The following BTBD8 variants were observed in gnomAD, a reference collection of about 807,000 sequenced individuals.
BTBD8 encodes BTB/POZ domain-containing protein 8.
In BTBD8, 110 loss-of-function variants were observed where a neutral mutation model predicts 162.9. That is an observed-to-expected ratio of 0.68 (90% CI 0.58 to 0.79). The LOEUF (loss-of-function observed/expected upper bound fraction) is 0.79, where lower values mean the gene tolerates loss of function less well. BTBD8 is among the 30% of genes least tolerant of loss of function. BTBD8 has a pLI of 0.00. For synonymous variants in BTBD8, 667 were observed against 716.1 expected (o/e 0.93, Z 1.10); for missense variants, 1,905 against 2,085.4 (o/e 0.91, Z 1.68).
intron 1 of BTBD8, among the ~76,000 whole-genome samples, chr1:92,086,509 T>G (rs1648164771): frequency 6.6e-6 from 1 of 152,034 alleles, no homozygotes; most frequent in Admixed American, 6.6e-5. Flanking sequence ...TGCATGCCTG[T>G]GGTCCCAGCT....
Position 92,181,049 on chromosome 1 carries a change from A to T in BTBD8, c.3366A>T (p.Ser1122=). The change falls in exon 17 of 18, where the codon TCA becomes TCT. Residue 1122 remains serine (S), a synonymous_variant. Coordinates refer to ENST00000636805, the MANE Select transcript of BTBD8 (RefSeq NM_001376131.1). ...GTGCAGGGCAAATCCATTTGATATCAGATAGGGAGAACCAAGTAGGGAGAA... is the reference window on the plus strand; with the variant it reads ...GTGCAGGGCAAATCCATTTGATATCTGATAGGGAGAACCAAGTAGGGAGAA... ...STSAGQIHLI[S]DRENQVGRKD... 6.4e-7 allele frequency: 1 copy of T among 1,551,822 alleles called. No homozygotes were observed. The highest frequency in any genetic ancestry group is 8.7e-7 in the Non-Finnish European group (1 of 1,147,006).
chr1:92,162,116 A>G (rs1650286064), intron 9 of BTBD8, among the ~76,000 whole-genome samples: 1 of 152,172 alleles, frequency 6.6e-6, no homozygotes. Context: ...AGCGTTTTGG[A>G]TACCCCTGGT....
chr1:92,108,978 T>C (rs1334171900), intron 4 of BTBD8, among the ~76,000 whole-genome samples: 1 of 152,226 alleles, frequency 6.6e-6, no homozygotes, highest in African/African-American at 2.4e-5. Context: ...ATTTGTACTC[T>C]TAGAAATCAC....
chr1:92,093,095 T>C (rs763383242), intron 2 of BTBD8, among the ~76,000 whole-genome samples: 3 of 152,064 alleles, frequency 2.0e-5, no homozygotes, highest in Non-Finnish European at 2.9e-5. Context: ...TAATATACTA[T>C]AATTTAAGCA....
At chr1:92,175,632 T>G (rs1650692879) in intron 13 of BTBD8, among the ~76,000 whole-genome samples, 1 of 150,940 alleles carries the variant, frequency 6.6e-6, no homozygotes, top group Non-Finnish European at 1.5e-5. Flanking sequence ...CTCTCTCTAC[T>G]AAAATACAAA....
intron 5 of BTBD8, among the ~76,000 whole-genome samples, chr1:92,132,949 A>G (rs550051478): frequency 6.6e-6 from 1 of 152,262 alleles, no homozygotes; most frequent in South Asian, 2.1e-4. Context: ...TTATTATCAC[A>G]CAGTGCTATG....
In BTBD8 at chr1:92,176,916, A is replaced by G; in HGVS notation, c.1723A>G (p.Thr575Ala). 6.5e-7 allele frequency: 1 copy of G among 1,537,904 alleles called. No homozygotes were observed. The highest frequency in any genetic ancestry group is 8.8e-7 in the Non-Finnish European group (1 of 1,141,366). ...GAAAGAGTGTTGGAGTTATCTCTCT[A>G]CTAATAAAAAGATGAAATCTGATGG... The part of the protein sequence containing the change: ...NKKECWSYLS[T>A]NKKMKSDGLG... The change falls in exon 14 of 18, where the codon ACT (threonine) becomes GCT (alanine). Residue 575 changes from threonine (T) to alanine (A), a missense_variant. By Grantham distance (58) the Thr-to-Ala change is moderately conservative. This residue lies in a region of BTBD8 where 1,374 missense variants were observed against 1,442.7 expected (regional missense o/e 0.95). Transcript: ENST00000636805.
At chr1:92,102,436 A>G (rs764696737) in intron 2 of BTBD8, 37 bp from the exon 3 acceptor site, 25 of 1,244,130 alleles carry the variant, frequency 2.0e-5, no homozygotes, top group Non-Finnish European at 2.6e-5. Context: ...AGAATCACCA[A>G]TGTTATTTTA....
chr1:92,152,830 A>G (rs943091934), intron 9 of BTBD8, among the ~76,000 whole-genome samples: 1 of 152,224 alleles, frequency 6.6e-6, no homozygotes, highest in African/African-American at 2.4e-5. Flanking sequence ...AGATAAAAAG[A>G]TAAACATCAG....
intron 4 of BTBD8, among the ~76,000 whole-genome samples, chr1:92,109,403 A>G (rs1250191437): frequency 3.3e-5 from 5 of 152,112 alleles, no homozygotes; most frequent in Non-Finnish European, 7.4e-5. Flanking sequence ...CCCTGTGACC[A>G]TTTCCAATAT....
At chr1:92,161,195 T>C (rs1650265672) in intron 9 of BTBD8, among the ~76,000 whole-genome samples, 1 of 152,184 alleles carries the variant, frequency 6.6e-6, no homozygotes, top group Non-Finnish European at 1.5e-5. Context: ...GTTGAATCAG[T>C]GTGTTCATGG....
At chr1:92,134,346 G>A (rs1002342178) in intron 5 of BTBD8, among the ~76,000 whole-genome samples, 11 of 152,108 alleles carry the variant, frequency 7.2e-5, no homozygotes, top group Non-Finnish European at 5.9e-5. Context: ...CCAAACTCTT[G>A]ACCATGACCT....
At chr1:92,183,691 A>G (rs1393318008) in intron 17 of BTBD8, among the ~76,000 whole-genome samples, 173 bp from the exon 18 acceptor site, 1 of 151,890 alleles carries the variant, frequency 6.6e-6, no homozygotes, top group East Asian at 1.9e-4. Flanking sequence ...CTTGAATTTT[A>G]AACACATAAA....
At chr1:92,120,160 A>G (rs517404) in intron 4 of BTBD8, among the ~76,000 whole-genome samples, 4,789 of 152,076 alleles carry the variant, frequency 0.031, 90 homozygotes, top group African/African-American at 0.038. Context: ...CAAAAGTGCT[A>G]GGATTACAGG....
At chr1:92,130,613 T>A (rs1649494655) in intron 5 of BTBD8, among the ~76,000 whole-genome samples, 1 of 151,990 alleles carries the variant, frequency 6.6e-6, no homozygotes, top group African/African-American at 2.4e-5. Context: ...ATATTTTATA[T>A]AACTTAAAGT....
chr1:92,177,656 A>G, intron 14 of BTBD8, 110 bp downstream of exon 14: 1 of 843,834 alleles, frequency 1.2e-6, no homozygotes, highest in African/African-American at 1.7e-5. Context: ...ATGCCAACAG[A>G]ATACTTATGT....
At chr1:92,141,067 C>T (rs779637424) in intron 6 of BTBD8, 48 bp from the exon 7 acceptor site, 1 of 1,473,002 alleles carries the variant, frequency 6.8e-7, no homozygotes, top group South Asian at 1.4e-5. Flanking sequence ...TGTGTTGTGC[C>T]TTGATTTTTA....
At chr1:92,131,256 C>T (rs1649508111) in intron 5 of BTBD8, among the ~76,000 whole-genome samples, 2 of 152,126 alleles carry the variant, frequency 1.3e-5, no homozygotes, top group Non-Finnish European at 1.5e-5. Context: ...AACTCTTCAA[C>T]CTAACTGAGA....
At chr1:92,108,242 G>A (rs191416176) in intron 4 of BTBD8, among the ~76,000 whole-genome samples, 11 of 152,318 alleles carry the variant, frequency 7.2e-5, no homozygotes, top group South Asian at 2.1e-4. Context: ...ACCCAGACAT[G>A]TGCATGTATA....
Sources: allele counts gnomAD v4.1 joint callset (sites outside exome capture counted in the v4.1 genomes callset), GRCh38; gene constraint gnomAD v4.1.1; regional missense constraint gnomAD v4.1.1; transcripts MANE v1.5; gene names NCBI Gene and HGNC (gene_info 2026-07-23, HGNC 2026-07-21).